The following HAGH variants were observed in gnomAD, a reference collection of about 807,000 sequenced individuals.
HAGH encodes hydroxyacylglutathione hydrolase, mitochondrial.
In HAGH, 29 loss-of-function variants were observed where a neutral mutation model predicts 35.1. That is an observed-to-expected ratio of 0.83 (90% confidence interval 0.62 to 1.13). The LOEUF (loss-of-function observed/expected upper bound fraction) is 1.13. Among genes scored for constraint, HAGH ranks in the 50% most tolerant of loss-of-function variants. The pLI is 0.00. For synonymous variants in HAGH, 225 were observed against 176.1 expected, an observed-to-expected ratio of 1.28 and a Z score of -2.20; for missense variants, 478 against 419.6, an observed-to-expected ratio of 1.14 and a Z score of -1.22.
intron 1 of HAGH, among the ~76,000 whole-genome samples, chr16:1,824,006 GGCCATC>G (rs1252990426): frequency 3.3e-5 from 5 of 152,122 alleles, no homozygotes; most frequent in African/African-American, 1.2e-4. Flanking sequence ...GCCCCCGCCT[GGCCATC>G]TGCCCTCCAG....
At chr16:1,823,744 TAAAAA>T (rs71145496) in intron 1 of HAGH, among the ~76,000 whole-genome samples, 23 of 55,920 alleles carry the variant, frequency 4.1e-4, no homozygotes, top group African/African-American at 1.4e-3. Flanking sequence ...ACCTGTTCCT[TAAAAA>T]AAAAAAAAAA....
intron 3 of HAGH, chr16:1,821,944 G>GGT (rs1567261632): frequency 1.6e-4 from 6 of 37,074 alleles, no homozygotes; most frequent in African/African-American, 5.0e-4. Flanking sequence ...GTTTTTTTTT[G>GGT]TTTTTTTGTT....
chr16:1,815,956 T>G (rs1039922582), intron 7 of HAGH, among the ~76,000 whole-genome samples: 3 of 134,622 alleles, frequency 2.2e-5, no homozygotes, highest in African/African-American at 5.8e-5. Flanking sequence ...TTTTTTTTTT[T>G]TTTGAGACGG....
At chr16:1,814,740 T>C (rs1001364100) in intron 7 of HAGH, among the ~76,000 whole-genome samples, 1 of 150,746 alleles carries the variant, frequency 6.6e-6, no homozygotes, top group Non-Finnish European at 1.5e-5. Context: ...CTACTAAAAA[T>C]ACAAAAAATT....
intron 7 of HAGH, among the ~76,000 whole-genome samples, chr16:1,814,928 TATACACAC>T (rs1022538388): frequency 2.1e-4 from 6 of 28,080 alleles, no homozygotes; most frequent in Admixed American, 1.0e-3. Flanking sequence ...TATATATGTA[TATACACAC>T]ACACACACAC....
Position 1,814,667 on chromosome 16 carries a change from AGGCGGGTGGATCACG to A in HAGH, c.747+2211_747+2225del, listed in dbSNP as rs543412794. The stretch of plus-strand genomic sequence containing the variant: ...GTAATCCCAGCACTTTGGGAGGCCG[AGGCGGGTGGATCACG>A]AGGTCAGGAGATCGAGACCTTCCTG... On this transcript the variant is annotated intron_variant, in intron 7 of 8. Transcript: ENST00000397356. Among the ~76,000 whole-genome samples, 1,319 of 152,226 alleles carry A rather than the reference AGGCGGGTGGATCACG, an allele frequency of 8.7e-3. 81 individuals are homozygous for A. The East Asian group carries it at 0.18, about 21-fold the overall frequency.
intron 3 of HAGH, chr16:1,822,054 G>C (rs1359904809): frequency 2.0e-6 from 1 of 496,996 alleles, no homozygotes; most frequent in Non-Finnish European, 3.7e-6. Flanking sequence ...GGAGAGAGCC[G>C]GGGGGTGGGG....
intron 1 of HAGH, among the ~76,000 whole-genome samples, chr16:1,824,266 G>A (rs868520234): frequency 6.6e-6 from 1 of 151,358 alleles, no homozygotes; most frequent in African/African-American, 2.4e-5. Flanking sequence ...TGAACAGCAC[G>A]AATCTGAGAT....
chr16:1,823,744 TAAAAAAAAAAAAAA>T (rs71145496), intron 1 of HAGH, among the ~76,000 whole-genome samples: 1 of 55,916 alleles, frequency 1.8e-5, no homozygotes, highest in Non-Finnish European at 3.1e-5. Context: ...ACCTGTTCCT[TAAAAAAAAAAAAAA>T]AAAAAAAAAA....
upstream of HAGH, chr16:1,827,034 G>T: frequency 1.3e-6 from 1 of 764,118 alleles, no homozygotes; most frequent in South Asian, 2.2e-5. Flanking sequence ...GAGCTGTGCC[G>T]CGAGCCTCCG....
At chr16:1,809,477 G>GC (rs1567249943) in intron 8 of HAGH, 95 bp from the exon 9 acceptor site, 7 of 1,006,128 alleles carry the variant, frequency 7.0e-6, no homozygotes, top group South Asian at 5.2e-5. Flanking sequence ...TGCTGGCCGA[G>GC]CCCAGCCCTC....
At chr16:1,824,251 G>C (rs1321652780) in intron 1 of HAGH, among the ~76,000 whole-genome samples, 2 of 151,542 alleles carry the variant, frequency 1.3e-5, no homozygotes, top group African/African-American at 4.9e-5. Context: ...AACAATACTT[G>C]CTCTTGAACA....
rs780444627 is a variant in HAGH at position 1,809,329 on chromosome 16, C to T, written c.881G>A (p.Arg294Gln). ...CTGGTCCTTCTCCCTGCGCACGGCC[C>T]GCATGGTGGTCACCGGGTCCGTCTC... ...AGETDPVTTM[R>Q]AVRREKDQFK... is the part of the protein sequence containing the mutation. Residue 294 changes from arginine (R) to glutamine (Q), a missense_variant, in exon 9 of 9, where the codon CGG becomes CAG. Coordinates refer to ENST00000397356, the MANE Select transcript of HAGH (RefSeq NM_005326.6). 18 of 1,613,742 alleles carry T rather than the reference C, an allele frequency of 1.1e-5. No individual in the cohort carries two copies. The highest frequency in any genetic ancestry group is 1.6e-4 in the Middle Eastern group (1 of 6,062).
At chr16:1,813,704 G>A (rs185172612) in intron 7 of HAGH, among the ~76,000 whole-genome samples, 9 of 152,286 alleles carry the variant, frequency 5.9e-5, no homozygotes, top group South Asian at 2.1e-4. Flanking sequence ...AGAAGTTCAC[G>A]AGATGATTCT....
At chr16:1,816,831 G>T in intron 7 of HAGH, 62 bp downstream of exon 7, 1 of 1,034,006 alleles carries the variant, frequency 9.7e-7, no homozygotes, top group Non-Finnish European at 1.5e-6. Context: ...TGGCGACCCC[G>T]CTGTGCACAG....
At chr16:1,817,143 C>T (rs759071405) in intron 6 of HAGH, 25 bp downstream of exon 6, 9 of 1,522,808 alleles carry the variant, frequency 5.9e-6, no homozygotes, top group Admixed American at 1.7e-5. Flanking sequence ...CCCCACACCC[C>T]GGCCCGCAGG....
chr16:1,826,066 C>A (rs1323073299), intron 1 of HAGH, among the ~76,000 whole-genome samples: 1 of 152,244 alleles, frequency 6.6e-6, no homozygotes, highest in African/African-American at 2.4e-5. Context: ...CATGTCCTTT[C>A]CTTAGCAATG....
chr16:1,814,769 G>A (rs2142033230), intron 7 of HAGH, among the ~76,000 whole-genome samples: 1 of 151,214 alleles, frequency 6.6e-6, no homozygotes, highest in East Asian at 2.0e-4. Flanking sequence ...GTGGTGACGG[G>A]CACCTGTAGT....
intron 3 of HAGH, 155 bp downstream of exon 3, chr16:1,822,145 T>C (rs1898179605): frequency 1.4e-5 from 9 of 625,836 alleles, no homozygotes; most frequent in South Asian, 7.2e-5. Context: ...CCTTGGGGGC[T>C]ACGGTGAGTC....
Sources: allele counts gnomAD v4.1 joint callset (sites outside exome capture counted in the v4.1 genomes callset), GRCh38; gene constraint gnomAD v4.1.1; transcripts MANE v1.5; gene names NCBI Gene and HGNC (gene_info 2026-07-23, HGNC 2026-07-21).